The following FXYD2 variants were observed in gnomAD, a reference collection of about 807,000 sequenced individuals.
FXYD2 encodes sodium/potassium-transporting ATPase subunit gamma.
Under a neutral mutation model 11.8 loss-of-function variants are expected in FXYD2, and 8 were observed. The ratio of observed to expected loss-of-function variants is 0.68; its 90% CI spans 0.40 to 1.22. FXYD2 has a LOEUF of 1.22. Ranked by LOEUF, FXYD2 falls within the 50% of genes most tolerant of loss-of-function variation. FXYD2 has a pLI of 0.01. For missense variants in FXYD2, 92 were observed against 91.8 expected (o/e 1.00, Z -0.01); for synonymous variants, 42 against 33.3 (o/e 1.26, Z -0.90).
chr11:117,824,901 G>T (rs188945660), upstream of FXYD2, among the ~76,000 whole-genome samples: 62 of 152,366 alleles, frequency 4.1e-4, no homozygotes, highest in African/African-American at 1.5e-3. This position sits in a 1 kb window ranked among gnomAD's most constrained non-coding sequence, Gnocchi z 4.0. Flanking sequence ...GCAGGGAGGA[G>T]CTGGCTGAGT....
chr11:117,825,846 CCAGCGGA>C (rs1472202406), upstream of FXYD2, among the ~76,000 whole-genome samples: 1 of 152,300 alleles, frequency 6.6e-6, no homozygotes, highest in Admixed American at 6.5e-5. Context: ...AGGTCAGTGG[CCAGCGGA>C]CAGCAGGGGA....
intron 5 of FXYD2, 124 bp from the exon 6 acceptor site, chr11:117,820,496 G>A: frequency 9.0e-6 from 7 of 776,052 alleles, no homozygotes; most frequent in South Asian, 3.4e-5. Flanking sequence ...CACACTCCAC[G>A]CCAGGCCCTT....
At chr11:117,827,032 G>T (rs575542759), upstream of FXYD2, among the ~76,000 whole-genome samples, 1 of 151,854 alleles carries the variant, frequency 6.6e-6, no homozygotes, top group African/African-American at 2.4e-5. Context: ...CTGCGGGGGG[G>T]AGGAGGTGCA....
At position 117,824,527 on chromosome 11, in the gene FXYD2, G is replaced by T; in HGVS notation, c.25+127C>A. ...AGAGAGGAGGCCGACAGGAAGAGGG[G>T]CTGGGTACTCTGGAAGGCTGAGGTG... On this transcript the variant is annotated intron_variant, in intron 1 of 5. Coordinates refer to ENST00000292079, the MANE Select transcript of FXYD2 (RefSeq NM_001680.5). This position sits in a 1 kb window ranked among gnomAD's most constrained non-coding sequence, Gnocchi z 4.0. 1 of 789,618 alleles carries T rather than the reference G, an allele frequency of 1.3e-6. No homozygotes were observed. The highest frequency in any genetic ancestry group is 1.7e-5 in the African/African-American group (1 of 58,918). 48.9% of individuals were successfully genotyped at this position (789,618 alleles called of 1,614,324 possible).
At position 117,820,185 on chromosome 11, in the gene FXYD2, G is replaced by A. The variant is rs1393734407; in HGVS notation, c.*194C>T. On this transcript the variant is annotated 3_prime_UTR_variant, in exon 6 of 6. Coordinates refer to ENST00000292079, the MANE Select transcript of FXYD2 (RefSeq NM_001680.5). ...CTGACGCCGGCTTTATTATAAGCAT[G>A]AGGTGGCACGAGGCAGGAGTTGGCG... 6.2e-6 allele frequency: 1 copy of A among 162,120 alleles called. No individual in the cohort carries two copies. Among genetic ancestry groups the A allele is most frequent in the Non-Finnish European group, 1.3e-5 (1 of 74,526 alleles). 10.0% of individuals were successfully genotyped at this position (162,120 alleles called of 1,614,324 possible). A position where few individuals can be genotyped will look rare whatever the true frequency, so the allele number is the denominator to read the frequency against.
In FXYD2 at chr11:117,822,645, G is replaced by A. The variant is rs1591534578; in HGVS notation, c.64+34C>T. 1.2e-6 allele frequency: 2 copies of A among 1,604,750 alleles called. No homozygotes were observed. The highest frequency in any genetic ancestry group is 2.3e-5 in the South Asian group (2 of 88,692). On this transcript the variant is annotated intron_variant, in intron 2 of 5. Transcript: ENST00000292079. This position sits in a 1 kb window ranked among gnomAD's most constrained non-coding sequence, Gnocchi z 4.7. ...GCTGCTTGGTGGAAGGGGTCCTGAG[G>A]GCTCAGGAAGGGTGCGCAGGGGCCC...
upstream of FXYD2, among the ~76,000 whole-genome samples, chr11:117,825,570 C>CA (rs757070732): frequency 4.6e-5 from 7 of 152,174 alleles, no homozygotes; most frequent in Non-Finnish European, 1.0e-4. Context: ...ACTGATGAGG[C>CA]AGGTGTCTAA....
rs1163911234 is a variant in FXYD2, at chr11:117,824,322, G to A, written c.25+332C>T. ...CTCCTTCCCCAGCCAGATGGACGCC[G>A]TCTGCCTCCCGCCCAAGTTCAGACG... On this transcript the variant is annotated intron_variant, in intron 1 of 5. Coordinates refer to ENST00000292079, the MANE Select transcript of FXYD2 (RefSeq NM_001680.5). This position sits in a 1 kb window ranked among gnomAD's most constrained non-coding sequence, Gnocchi z 4.0. 16 of 459,896 alleles carry A rather than the reference G, an allele frequency of 3.5e-5. No homozygotes were observed. The highest frequency in any genetic ancestry group is 1.0e-4 in the Admixed American group (3 of 29,946). The allele number at this position is 459,896 out of a possible 1,614,324, so 28.5% of individuals were successfully genotyped here.
chr11:117,821,153 C>G (rs1222756995), intron 3 of FXYD2: 1 of 392,976 alleles, frequency 2.5e-6, no homozygotes. Flanking sequence ...AACTCCTGGG[C>G]TCAAGTAATC....
chr11:117,822,729 C>A lies in FXYD2; in HGVS notation c.26-12G>T. 1 of 1,608,120 alleles carries A rather than the reference C, an allele frequency of 6.2e-7. No homozygotes were observed. Among genetic ancestry groups the A allele is most frequent in the Non-Finnish European group, 8.5e-7 (1 of 1,178,620 alleles). On this transcript the variant is annotated splice_polypyrimidine_tract_variant and intron_variant, in intron 1 of 5. Transcript: ENST00000292079. This position sits in a 1 kb window ranked among gnomAD's most constrained non-coding sequence, Gnocchi z 4.7. The stretch of plus-strand genomic sequence containing the variant: ...CTTGGGGCTGCCGCCTAGGAGAGAG[C>A]CAGAGGTGGGATGAGAGGAGTCACC...
At chr11:117,824,792 T>A, upstream of FXYD2, 1 of 1,311,560 alleles carries the variant, frequency 7.6e-7, no homozygotes, top group Non-Finnish European at 1.1e-6. The surrounding 1 kb of genome is among the most constrained non-coding windows in gnomAD (Gnocchi z 4.0). Flanking sequence ...CATTAAACAT[T>A]AACAGTGCCA....
At chr11:117,826,108 G>A (rs1228415409), upstream of FXYD2, among the ~76,000 whole-genome samples, 2 of 152,128 alleles carry the variant, frequency 1.3e-5, no homozygotes, top group African/African-American at 4.8e-5. Context: ...CCTGGCACAC[G>A]GTGAGTGGCA....
In FXYD2 at chr11:117,822,500, G is replaced by A; in HGVS notation, c.65-20C>T. ...CATAGTCTCCGGAAAGAGAGGGCAA[G>A]AGGAGCGGGATGGGTGGTCTCTCCC... On this transcript the variant is annotated intron_variant, in intron 2 of 5. Transcript: ENST00000292079. The surrounding 1 kb of genome is among the most constrained non-coding windows in gnomAD (Gnocchi z 4.7). The A allele has an allele frequency of 6.4e-7, 1 of 1,557,642 alleles. No homozygotes were observed. Among genetic ancestry groups the A allele is most frequent in the Non-Finnish European group, 8.7e-7 (1 of 1,149,922 alleles).
At chr11:117,823,776 G>C (rs958655729) in intron 1 of FXYD2, among the ~76,000 whole-genome samples, 1 of 152,212 alleles carries the variant, frequency 6.6e-6, no homozygotes, top group Non-Finnish European at 1.5e-5. Flanking sequence ...TTTCCGGGCT[G>C]TGCCAAACTG....
rs2055990321 is a variant in FXYD2, at chr11:117,824,409, A to C, written c.25+245T>G. ...GCCAGGAGGCCGAGGAGGAACGCTC[A>C]GCTCTCCAGCTTCTATCTGCTGCCT... On this transcript the variant is annotated intron_variant, in intron 1 of 5. Coordinates refer to ENST00000292079, the MANE Select transcript of FXYD2 (RefSeq NM_001680.5). This position sits in a 1 kb window ranked among gnomAD's most constrained non-coding sequence, Gnocchi z 4.0. 1.6e-6 allele frequency: 1 copy of C among 608,068 alleles called. No homozygotes were observed. The highest frequency in any genetic ancestry group is 3.0e-6 in the Non-Finnish European group (1 of 338,118). 37.7% of individuals were successfully genotyped at this position (608,068 alleles called of 1,614,324 possible). A position where few individuals can be genotyped will look rare whatever the true frequency, so the allele number is the denominator to read the frequency against.
upstream of FXYD2, chr11:117,828,040 A>G: frequency 6.4e-7 from 1 of 1,550,540 alleles, no homozygotes; most frequent in Non-Finnish European, 8.7e-7. Context: ...TGTGTCCAGG[A>G]GTGCAGGAGA....
Position 117,822,444 on chromosome 11 carries a change from G to T in FXYD2, c.101C>A (p.Ala34Asp). 1 of 1,563,330 alleles carries T rather than the reference G, an allele frequency of 6.4e-7. No homozygotes were observed. Among genetic ancestry groups the T allele is most frequent in the Non-Finnish European group, 8.7e-7 (1 of 1,152,948 alleles). ...GAGCCCCACGATGAAGGCCAGTCCAGCGAAGATCAGGCCCCCATTGCGAAC... is the reference window on the plus strand; with the variant it reads ...GAGCCCCACGATGAAGGCCAGTCCATCGAAGATCAGGCCCCCATTGCGAAC... Reference protein sequence around the residue: ...ETVRNGGLIFAGLAFIVGLLI... With the variant: ...ETVRNGGLIFDGLAFIVGLLI... The change falls in exon 3 of 6, where the codon GCT becomes GAT. Residue 34 changes from alanine to aspartate, a missense_variant. By Grantham distance (126) the Ala-to-Asp change is moderately radical. Transcript: ENST00000292079. This position sits in a 1 kb window ranked among gnomAD's most constrained non-coding sequence, Gnocchi z 4.7.
Position 117,822,058 on chromosome 11 carries a change from G to T in FXYD2, c.139+348C>A. ...ATGCTAGCCCTAATCTTGTGAGGCA[G>T]GTGGGATCATCCCTATTTAACAAAT... On this transcript the variant is annotated intron_variant, in intron 3 of 5. Coordinates refer to ENST00000292079, the MANE Select transcript of FXYD2 (RefSeq NM_001680.5). The surrounding 1 kb of genome is among the most constrained non-coding windows in gnomAD (Gnocchi z 4.7). 2.4e-6 allele frequency: 3 copies of T among 1,243,956 alleles called. No homozygotes were observed. Among genetic ancestry groups the T allele is most frequent in the Non-Finnish European group, 3.1e-6 (3 of 979,092 alleles). The allele number at this position is 1,243,956 out of a possible 1,614,324, so 77.1% of individuals were successfully genotyped here.
upstream of FXYD2, chr11:117,827,975 A>T: frequency 1.4e-6 from 2 of 1,474,418 alleles, no homozygotes; most frequent in Non-Finnish European, 1.9e-6. Context: ...GGGAGGAGGA[A>T]TGGGGCTCAG....
Sources: allele counts gnomAD v4.1 joint callset (sites outside exome capture counted in the v4.1 genomes callset), GRCh38; gene constraint gnomAD v4.1.1; non-coding constraint Gnocchi (gnomAD v3.1); transcripts MANE v1.5; gene names NCBI Gene and HGNC (gene_info 2026-07-23, HGNC 2026-07-21).